AFF2: variants seen among roughly 807,000 people sequenced by gnomAD.
The protein encoded by AFF2 is ALF transcription elongation factor 2.
A neutral mutation model predicts 76.9 loss-of-function variants in AFF2; 14 were observed. The ratio of observed to expected loss-of-function variants is 0.18; its 90% confidence interval spans 0.12 to 0.28. The LOEUF (loss-of-function observed/expected upper bound fraction) is 0.28, where lower values mean the gene tolerates loss of function less well. AFF2 is among the 10% of genes least tolerant of loss of function. The probability of loss-of-function intolerance (pLI) is 1.00; values close to 1 mark genes in which losing one functional copy is unlikely to be tolerated. For missense variants in AFF2, 868 were observed against 1,001.1 expected, an observed-to-expected ratio of 0.87 and a Z score of 1.79; for synonymous variants, 398 against 366.7, an observed-to-expected ratio of 1.09 and a Z score of -0.98.
At chrX:148,571,214 C>G (rs1569551419) in intron 1 of AFF2, among the ~76,000 whole-genome samples, 1 of 111,835 alleles carries the variant, frequency 8.9e-6, no homozygotes, top group Non-Finnish European at 1.9e-5. Context: ...AGCCTGTGGA[C>G]TACTTAATTG....
intron 13 of AFF2, among the ~76,000 whole-genome samples, chrX:148,966,162 G>A (rs1037501067): frequency 6.3e-5 from 7 of 111,984 alleles, no homozygotes; most frequent in Non-Finnish European, 1.9e-5. Context: ...ACAAAATGGA[G>A]ACACACTCAC....
chrX:148,698,812 T>C (rs1449905782), intron 3 of AFF2, among the ~76,000 whole-genome samples: 4 of 107,373 alleles, frequency 3.7e-5, no homozygotes, highest in Non-Finnish European at 7.7e-5. Context: ...TTTTTTTTTT[T>C]TTTTTCTGTA....
intron 9 of AFF2, among the ~76,000 whole-genome samples, chrX:148,916,057 C>G (rs1198751882): frequency 2.7e-5 from 3 of 111,671 alleles, no homozygotes; most frequent in Non-Finnish European, 5.6e-5. Context: ...CAGCAGAGCA[C>G]AGCTGTGCCC....
intron 13 of AFF2, among the ~76,000 whole-genome samples, chrX:148,965,975 C>G (rs2072167024): frequency 9.0e-6 from 1 of 111,541 alleles, no homozygotes; most frequent in Non-Finnish European, 1.9e-5. Flanking sequence ...GAGTCAGCCA[C>G]TTGAACATGG....
chrX:148,715,377 C>A (rs1190199858), intron 3 of AFF2, among the ~76,000 whole-genome samples: 1 of 110,919 alleles, frequency 9.0e-6, no homozygotes, highest in Non-Finnish European at 1.9e-5. Context: ...TCAAGAAAGC[C>A]CCAGATCAGC....
In AFF2 at chrX:148,581,008, CCTA is replaced by C. The variant is rs201119579; in HGVS notation, c.48-70989_48-70987del. On this transcript the variant is annotated intron_variant, in intron 1 of 20. Transcript: ENST00000370460. ...CACAAATATATACATATATGCACCTCCTACACACAAACATATGTGTATATATAC... is the reference window on the plus strand; with the variant it reads ...CACAAATATATACATATATGCACCTCCACACAAACATATGTGTATATATAC... Among the ~76,000 whole-genome samples, 190 of 38,346 alleles carry C rather than the reference CCTA, an allele frequency of 5.0e-3. 3 individuals carry two copies. The highest frequency in any genetic ancestry group is 0.015 in the African/African-American group (184 of 11,986). The allele number at this position is 38,346 out of a possible 115,157, so 33.3% of individuals were successfully genotyped here. A position where few individuals can be genotyped will look rare whatever the true frequency, so the allele number is the denominator to read the frequency against.
At chrX:148,652,169 A>G (rs377683954) in intron 2 of AFF2, 38 bp downstream of exon 2, 1 of 1,037,998 alleles carries the variant, frequency 9.6e-7, no homozygotes, top group Non-Finnish European at 1.3e-6. Flanking sequence ...GTTGCTTGTT[A>G]CATTTTTGAA....
intron 3 of AFF2, among the ~76,000 whole-genome samples, chrX:148,688,464 C>T (rs1490513272): frequency 9.0e-6 from 1 of 111,349 alleles, no homozygotes; most frequent in Non-Finnish European, 1.9e-5. Flanking sequence ...GTAGTCCTTA[C>T]GCCACTGAAA....
chrX:148,571,714 A>G (rs782191234), intron 1 of AFF2, among the ~76,000 whole-genome samples: 14 of 111,334 alleles, frequency 1.3e-4, no homozygotes, highest in Non-Finnish European at 2.6e-4. Flanking sequence ...TAAAGCTTCT[A>G]AAAGCTTTCT....
chrX:148,719,359 G>T, intron 3 of AFF2: 1 of 450,755 alleles, frequency 2.2e-6, no homozygotes, highest in Non-Finnish European at 3.7e-6. Context: ...GCTATCCAAA[G>T]CACTGATTTA....
At chrX:148,795,774 A>G (rs1557270333) in intron 3 of AFF2, among the ~76,000 whole-genome samples, 1 of 74,696 alleles carries the variant, frequency 1.3e-5, no homozygotes, top group African/African-American at 5.1e-5. Flanking sequence ...TTGCACTCCA[A>G]CCTGGGCGAC....
chrX:148,998,545 A>T lies in AFF2; in HGVS notation c.*7213A>T, dbSNP rs897424162. 1 of 111,994 alleles carries T rather than the reference A, an allele frequency of 8.9e-6. No homozygotes were observed. Among genetic ancestry groups the T allele is most frequent in the African/African-American group, 3.3e-5 (1 of 30,690 alleles). The allele number at this position is 111,994 out of a possible 1,213,427, so 9.2% of individuals were successfully genotyped here. A position where few individuals can be genotyped will look rare whatever the true frequency, so the allele number is the denominator to read the frequency against. ...GTCCAATTGTATAACTTTGTGGAGC[A>T]GTGTTTTGACCTTTGATACATAATT... On this transcript the variant is annotated 3_prime_UTR_variant, in exon 21 of 21. Transcript: ENST00000370460.
intron 3 of AFF2, among the ~76,000 whole-genome samples, chrX:148,782,738 G>T (rs1359018466): frequency 1.1e-4 from 12 of 111,707 alleles, no homozygotes; most frequent in African/African-American, 3.6e-4. Flanking sequence ...AATTTAGTTA[G>T]ATTGCATTAA....
intron 1 of AFF2, among the ~76,000 whole-genome samples, chrX:148,587,945 T>G (rs1389606513): frequency 8.9e-6 from 1 of 112,581 alleles, no homozygotes; most frequent in African/African-American, 3.2e-5. Context: ...CTGATAGCAT[T>G]GATTTTGCAT....
At chrX:148,628,539 TA>T (rs1603262862) in intron 1 of AFF2, among the ~76,000 whole-genome samples, 1 of 94,178 alleles carries the variant, frequency 1.1e-5, no homozygotes, top group African/African-American at 4.0e-5. Flanking sequence ...CTTGGCATTA[TA>T]AAAAATTATT....
chrX:148,628,927 G>T (rs1557252609), intron 1 of AFF2, among the ~76,000 whole-genome samples: 1 of 111,948 alleles, frequency 8.9e-6, no homozygotes, highest in African/African-American at 3.2e-5. Context: ...CCATAGGAGT[G>T]AGCATTTGCT....
At chrX:148,987,967 C>T (rs1393223551) in intron 20 of AFF2, among the ~76,000 whole-genome samples, 3 of 111,860 alleles carry the variant, frequency 2.7e-5, no homozygotes, top group African/African-American at 9.8e-5. Context: ...TAATTATTAG[C>T]TCCAGTTGAG....
At chrX:148,827,001 A>G (rs1557272999) in intron 4 of AFF2, among the ~76,000 whole-genome samples, 1 of 111,167 alleles carries the variant, frequency 9.0e-6, no homozygotes, top group African/African-American at 3.3e-5. Context: ...CAGTAGTTAG[A>G]CTGACATCTT....
intron 1 of AFF2, among the ~76,000 whole-genome samples, chrX:148,637,619 G>T (rs184788984): frequency 6.4e-4 from 72 of 112,160 alleles, no homozygotes; most frequent in Middle Eastern, 4.6e-3. Flanking sequence ...AGAAACAGAT[G>T]AAATTAATAC....
Sources: gnomAD v4.1 joint callset for allele counts (sites outside exome capture counted in the v4.1 genomes callset) on GRCh38, gnomAD v4.1.1 for gene constraint, MANE v1.5 for transcripts, NCBI Gene and HGNC (gene_info 2026-07-23, HGNC 2026-07-21) for gene names.